Variants in RAB17 observed in about 807,000 individuals in gnomAD.
RAB17 encodes ras-related protein Rab-17.
Under a neutral mutation model 19.3 loss-of-function variants are expected in RAB17, and 15 were observed. That is an observed-to-expected ratio of 0.78 (90% CI 0.52 to 1.20). The LOEUF (loss-of-function observed/expected upper bound fraction) is 1.20, where lower values mean the gene tolerates loss of function less well. RAB17 is among the 50% of genes most tolerant of loss of function. The pLI, the probability that RAB17 is intolerant of heterozygous loss-of-function variation, is 0.00. For synonymous variants in RAB17, 110 were observed against 112.8 expected (o/e 0.97, Z 0.16); for missense variants, 262 against 269.3 (o/e 0.97, Z 0.19).
Position 237,574,714 on chromosome 2 carries a change from C to G in RAB17, c.*305G>C, listed in dbSNP as rs1409584298. 2.8e-6 allele frequency: 4 copies of G among 1,419,214 alleles called. No homozygotes were observed. The highest frequency in any genetic ancestry group is 1.4e-5 in the African/African-American group (1 of 69,206). The allele number at this position is 1,419,214 out of a possible 1,614,324, so 87.9% of individuals were successfully genotyped here. A position where few individuals can be genotyped will look rare whatever the true frequency, so the allele number is the denominator to read the frequency against. On this transcript the variant is annotated 3_prime_UTR_variant, in exon 6 of 6. Transcript: ENST00000264601. ...CGGGGACTTTTCCAATCCTTCCTTCCTCTCTGTCCAGAGGCTGCCAGGCTG... is the reference window on the plus strand; with the variant it reads ...CGGGGACTTTTCCAATCCTTCCTTCGTCTCTGTCCAGAGGCTGCCAGGCTG...
rs530719840 is a variant in RAB17, at chr2:237,589,903, T to C, written c.-4+564A>G. On this transcript the variant is annotated intron_variant, in intron 1 of 5. Coordinates refer to ENST00000264601, the MANE Select transcript of RAB17 (RefSeq NM_022449.4). ...GGGGCCATTCCAGGGAAGGGTCTGATTGATGAGTCTATCGGCAACTGTGAT... is the reference window on the plus strand; with the variant it reads ...GGGGCCATTCCAGGGAAGGGTCTGACTGATGAGTCTATCGGCAACTGTGAT... Among the ~76,000 whole-genome samples the C allele has an allele frequency of 2.6e-5, 4 of 152,286 alleles. No individual in the cohort carries two copies. The East Asian group carries it at 7.7e-4, about 29-fold the overall frequency.
chr2:237,580,554 C>A (rs912085342), intron 2 of RAB17, among the ~76,000 whole-genome samples: 2 of 152,090 alleles, frequency 1.3e-5, no homozygotes, highest in Non-Finnish European at 1.5e-5. Context: ...GCCTGACCAA[C>A]ATGGTGAAAC....
chr2:237,587,310 C>G (rs2081358175), intron 1 of RAB17, among the ~76,000 whole-genome samples: 1 of 152,166 alleles, frequency 6.6e-6, no homozygotes, highest in South Asian at 2.1e-4. Context: ...AAGAGAAGCT[C>G]CCCACAAAAA....
chr2:237,574,969 A>G lies in RAB17; in HGVS notation c.*50T>C. On this transcript the variant is annotated 3_prime_UTR_variant, in exon 6 of 6. Coordinates refer to ENST00000264601, the MANE Select transcript of RAB17 (RefSeq NM_022449.4). ...AATCAGAATCCACCTAGAGCTGGCC[A>G]TGGCCCAGGCAGGGGGTGTCTTCCC... The G allele has an allele frequency of 1.4e-5, 20 of 1,385,160 alleles. No homozygotes were observed. Among genetic ancestry groups the G allele is most frequent in the Non-Finnish European group, 2.0e-5 (20 of 1,010,904 alleles). The allele number at this position is 1,385,160 out of a possible 1,614,324, so 85.8% of individuals were successfully genotyped here. A position where few individuals can be genotyped will look rare whatever the true frequency, so the allele number is the denominator to read the frequency against.
At chr2:237,586,263 A>G (rs1223481206) in intron 1 of RAB17, 106 bp from the exon 2 acceptor site, 1 of 1,236,758 alleles carries the variant, frequency 8.1e-7, no homozygotes, top group African/African-American at 1.5e-5. Flanking sequence ...ATGGCCCAAT[A>G]CAGAGCTCCC....
chr2:237,580,762 G>A (rs533559791), intron 2 of RAB17, among the ~76,000 whole-genome samples: 1 of 151,910 alleles, frequency 6.6e-6, no homozygotes, highest in African/African-American at 2.4e-5. Context: ...AGAAGGGGGG[G>A]GAGGAGGGGA....
chr2:237,576,032 G>C (rs2081259857), intron 4 of RAB17: 1 of 160,026 alleles, frequency 6.2e-6, no homozygotes, highest in Non-Finnish European at 1.4e-5. Flanking sequence ...GGTGGCCGAG[G>C]AATGGGGGCC....
chr2:237,586,262 T>C, intron 1 of RAB17, 105 bp from the exon 2 acceptor site: 1 of 1,245,780 alleles, frequency 8.0e-7, no homozygotes, highest in Non-Finnish European at 1.1e-6. Flanking sequence ...GATGGCCCAA[T>C]ACAGAGCTCC....
At chr2:237,588,992 G>T (rs2081371628) in intron 1 of RAB17, among the ~76,000 whole-genome samples, 1 of 152,206 alleles carries the variant, frequency 6.6e-6, no homozygotes, top group Admixed American at 6.5e-5. Flanking sequence ...AGACGAGGCA[G>T]GTGGATCACT....
At position 237,578,045 on chromosome 2, in the gene RAB17, C is replaced by T. The variant is rs1302488850; in HGVS notation, c.268G>A (p.Gly90Ser). Residue 90 changes from glycine (G) to serine (S), a missense_variant, in exon 3 of 6, where the codon GGT becomes AGT. Gly to Ser is a moderately conservative substitution (Grantham distance 56). Coordinates refer to ENST00000264601, the MANE Select transcript of RAB17 (RefSeq NM_022449.4). Reference sequence around the variant, plus strand: ...TACACCAGAAGCGCAGCGTTGGCACCCCTGAAGTAGAGGTGGCAGACGCTG... The same window carrying T: ...TACACCAGAAGCGCAGCGTTGGCACTCCTGAAGTAGAGGTGGCAGACGCTG... The part of the protein sequence containing the change: ...YHSVCHLYFR[G>S]ANAALLVYDI... 1.2e-6 allele frequency: 2 copies of T among 1,613,102 alleles called. No individual in the cohort carries two copies. Among genetic ancestry groups the T allele is most frequent in the Non-Finnish European group, 1.7e-6 (2 of 1,179,214 alleles).
At position 237,574,550 on chromosome 2, in the gene RAB17, T is replaced by TCATCGC; in HGVS notation, c.*463_*468dup. The stretch of plus-strand genomic sequence containing the variant: ...AATCCTGGGCCCACCCCACAGTCAG[T>TCATCGC]CATCGCTCCATTTCTTCCTGGCACC... On this transcript the variant is annotated 3_prime_UTR_variant, in exon 6 of 6. Transcript: ENST00000264601. 3.2e-6 allele frequency: 5 copies of TCATCGC among 1,549,934 alleles called. No individual in the cohort carries two copies. Among genetic ancestry groups the TCATCGC allele is most frequent in the Non-Finnish European group, 4.4e-6 (5 of 1,146,744 alleles).
chr2:237,583,106 A>C (rs757969764), intron 2 of RAB17, among the ~76,000 whole-genome samples: 1 of 152,226 alleles, frequency 6.6e-6, no homozygotes, highest in East Asian at 1.9e-4. Context: ...GTCTCAAAAA[A>C]AATAATAATA....
At chr2:237,581,439 G>C (rs1448330972) in intron 2 of RAB17, among the ~76,000 whole-genome samples, 1 of 150,732 alleles carries the variant, frequency 6.6e-6, no homozygotes, top group African/African-American at 2.4e-5. Context: ...TTTTTTAGTA[G>C]AGACACGGTT....
chr2:237,577,492 A>G lies in RAB17; in HGVS notation c.310-110T>C, dbSNP rs556212797. On this transcript the variant is annotated intron_variant, in intron 3 of 5. Transcript: ENST00000264601. ...ATCACGTTGTGTAAAATGTCACAGA[A>G]TCCAACTGGCCATGGGCGCACCTGC... The G allele has an allele frequency of 1.6e-4, 215 of 1,309,216 alleles. 1 individual carries two copies. The highest frequency in any genetic ancestry group is 2.1e-4 in the Non-Finnish European group (199 of 966,978). 81.1% of individuals were successfully genotyped at this position (1,309,216 alleles called of 1,614,324 possible).
intron 3 of RAB17, chr2:237,577,670 T>C (rs992230222): frequency 1.3e-5 from 6 of 470,810 alleles, no homozygotes; most frequent in South Asian, 6.0e-5. Flanking sequence ...GGCCTCGAGC[T>C]CCTGAATCTC....
At chr2:237,582,225 G>C (rs756536148) in intron 2 of RAB17, among the ~76,000 whole-genome samples, 2 of 152,224 alleles carry the variant, frequency 1.3e-5, no homozygotes, top group Non-Finnish European at 2.9e-5. Flanking sequence ...CTGGATGGAC[G>C]GTGTCTTGCC....
Position 237,578,019 on chromosome 2 carries a change from G to A in RAB17, c.294C>T (p.Tyr98=), listed in dbSNP as rs528034745. ...FRGANAALLV[Y]DITRKDSFLK... ...CGGGCCCTACCTTCCTGGTGATGTCGTACACCAGAAGCGCAGCGTTGGCAC... is the reference window on the plus strand; with the variant it reads ...CGGGCCCTACCTTCCTGGTGATGTCATACACCAGAAGCGCAGCGTTGGCAC... The change falls in exon 3 of 6, where the codon TAC becomes TAT. Residue 98 remains tyrosine (Y), a synonymous_variant. Coordinates refer to ENST00000264601, the MANE Select transcript of RAB17 (RefSeq NM_022449.4). 40 of 1,606,600 alleles carry A rather than the reference G, an allele frequency of 2.5e-5. No individual in the cohort carries two copies. In the East Asian group the frequency reaches 3.4e-4, roughly 13 times the overall value.
intron 1 of RAB17, among the ~76,000 whole-genome samples, chr2:237,590,005 A>G (rs7607671): frequency 0.19 from 28,917 of 152,156 alleles, 5,215 homozygotes; most frequent in African/African-American, 0.47. Flanking sequence ...CATTCAGAAT[A>G]CAGCCATCTG....
chr2:237,576,603 G>C (rs2081264996), intron 4 of RAB17: 1 of 471,144 alleles, frequency 2.1e-6, no homozygotes, highest in Non-Finnish European at 4.4e-6. Flanking sequence ...TCTAAGCCCT[G>C]AGTTGGGTCT....
Sources: allele counts gnomAD v4.1 joint callset (sites outside exome capture counted in the v4.1 genomes callset), GRCh38; gene constraint gnomAD v4.1.1; transcripts MANE v1.5; gene names NCBI Gene and HGNC (gene_info 2026-07-23, HGNC 2026-07-21).